Variants in DLG2 observed in about 807,000 individuals in gnomAD.
The protein encoded by DLG2 is disks large homolog 2.
In DLG2, 45 loss-of-function variants were observed where a neutral mutation model predicts 132.5. The ratio of observed to expected loss-of-function variants is 0.34; its 90% CI spans 0.27 to 0.44. DLG2 has a LOEUF of 0.44. Among genes scored for constraint, DLG2 ranks in the 20% least tolerant of loss-of-function variants. DLG2 has a pLI of 1.00. For missense variants in DLG2, 1,045 were observed against 1,196.9 expected (o/e 0.87, Z 1.87); for synonymous variants, 424 against 419.6 (o/e 1.01, Z -0.13).
intron 7 of DLG2, among the ~76,000 whole-genome samples, chr11:84,473,297 G>A (rs2099113342): frequency 6.6e-6 from 1 of 151,940 alleles, no homozygotes; most frequent in African/African-American, 2.4e-5. Flanking sequence ...GGCCACTAAA[G>A]CCTAGCTCTC....
intron 3 of DLG2, among the ~76,000 whole-genome samples, chr11:85,596,461 ATG>A (rs1442586766): frequency 6.6e-6 from 1 of 152,228 alleles, no homozygotes; most frequent in Non-Finnish European, 1.5e-5. Flanking sequence ...TCCTTGTCAC[ATG>A]TAAATATTAC....
chr11:85,142,506 T>G (rs944335848), intron 5 of DLG2, among the ~76,000 whole-genome samples: 1 of 151,788 alleles, frequency 6.6e-6, no homozygotes, highest in Non-Finnish European at 1.5e-5. Context: ...ATATCAGCTA[T>G]GAACAAGAAT....
chr11:85,442,244 G>A (rs2091817841), intron 3 of DLG2, among the ~76,000 whole-genome samples: 2 of 152,178 alleles, frequency 1.3e-5, no homozygotes, highest in South Asian at 2.1e-4. Flanking sequence ...GAAGACTTCT[G>A]ACTGCTGTGG....
intron 12 of DLG2, among the ~76,000 whole-genome samples, chr11:83,972,847 G>C (rs1032028468): frequency 4.6e-5 from 7 of 152,124 alleles, no homozygotes; most frequent in African/African-American, 1.4e-4. Context: ...AGGATGAAAA[G>C]CTGGTACAGA....
intron 7 of DLG2, among the ~76,000 whole-genome samples, chr11:84,380,597 G>C (rs989070454): frequency 6.6e-6 from 1 of 151,704 alleles, no homozygotes; most frequent in Non-Finnish European, 1.5e-5. Context: ...AAAACTTATA[G>C]CCTTAAGTAT....
intron 18 of DLG2, among the ~76,000 whole-genome samples, chr11:83,688,006 G>T (rs991199196): frequency 2.4e-4 from 36 of 148,886 alleles, no homozygotes; most frequent in African/African-American, 8.9e-4. Context: ...GCAAGGCCCT[G>T]TCTCAAAAGA....
intron 3 of DLG2, among the ~76,000 whole-genome samples, chr11:85,569,608 C>A (rs536816068): frequency 1.3e-5 from 2 of 151,872 alleles, no homozygotes; most frequent in South Asian, 4.2e-4. Context: ...GCCTTTCAAA[C>A]GTGAAAAAAT....
chr11:84,481,814 C>T (rs909488621), intron 7 of DLG2, among the ~76,000 whole-genome samples: 1 of 152,166 alleles, frequency 6.6e-6, no homozygotes, highest in Non-Finnish European at 1.5e-5. Context: ...AGTAAAATGT[C>T]GTACTGCAAC....
chr11:83,885,984 CT>C (rs1165602063), intron 15 of DLG2, among the ~76,000 whole-genome samples: 1 of 152,208 alleles, frequency 6.6e-6, no homozygotes, highest in African/African-American at 2.4e-5. Context: ...CTACCAGCCA[CT>C]GAAAAATCAT....
At chr11:83,795,784 C>G (rs1460997930) in intron 17 of DLG2, among the ~76,000 whole-genome samples, 1 of 152,152 alleles carries the variant, frequency 6.6e-6, no homozygotes, top group Non-Finnish European at 1.5e-5. Flanking sequence ...ATATCAGAAT[C>G]AGAGGATTTC....
At chr11:84,786,842 G>A (rs2072980050) in intron 6 of DLG2, among the ~76,000 whole-genome samples, 1 of 152,182 alleles carries the variant, frequency 6.6e-6, no homozygotes, top group South Asian at 2.1e-4. Context: ...TGTTCAGAAA[G>A]ATAGGCAAAG....
chr11:83,477,569 T>G (rs190412995), intron 22 of DLG2, among the ~76,000 whole-genome samples: 3 of 152,176 alleles, frequency 2.0e-5, no homozygotes, highest in South Asian at 2.1e-4. Flanking sequence ...GGATACAGTG[T>G]GAATGGTGTA....
At chr11:83,884,937 A>T (rs2067394521) in intron 15 of DLG2, among the ~76,000 whole-genome samples, 1 of 152,104 alleles carries the variant, frequency 6.6e-6, no homozygotes, top group Non-Finnish European at 1.5e-5. Context: ...CACACCAAAA[A>T]CCCATCTGTA....
intron 6 of DLG2, among the ~76,000 whole-genome samples, chr11:85,060,781 C>A (rs1188197560): frequency 6.6e-6 from 1 of 151,520 alleles, no homozygotes; most frequent in Non-Finnish European, 1.5e-5. Context: ...GGTTCACTAT[C>A]TTACATTCCC....
At chr11:85,614,709 T>C (rs1317475585) in intron 2 of DLG2, among the ~76,000 whole-genome samples, 1 of 152,252 alleles carries the variant, frequency 6.6e-6, no homozygotes, top group East Asian at 1.9e-4. Context: ...CTAATAATAT[T>C]AGCTAGCATT....
intron 6 of DLG2, among the ~76,000 whole-genome samples, chr11:84,695,796 T>C (rs2058554297): frequency 6.6e-6 from 1 of 151,496 alleles, no homozygotes; most frequent in African/African-American, 2.4e-5. Context: ...AATTAACATA[T>C]GCTGAGTAAT....
chr11:85,362,412 A>G (rs758969260), intron 3 of DLG2, among the ~76,000 whole-genome samples: 24 of 152,214 alleles, frequency 1.6e-4, no homozygotes, highest in Middle Eastern at 6.8e-3. Context: ...TGGTCCTCAG[A>G]TAGATCACTA....
chr11:84,586,566 C>T (rs1176380416), intron 6 of DLG2, among the ~76,000 whole-genome samples: 1 of 152,042 alleles, frequency 6.6e-6, no homozygotes, highest in Non-Finnish European at 1.5e-5. Flanking sequence ...ATTTAAATGT[C>T]AATTTTTGTC....
chr11:84,957,991 C>T (rs1031630369), intron 6 of DLG2, among the ~76,000 whole-genome samples: 2 of 152,068 alleles, frequency 1.3e-5, no homozygotes, highest in Admixed American at 6.6e-5. Context: ...GTGTTTGAGT[C>T]CCATTTGGCT....
Sources: gnomAD v4.1 joint callset for allele counts (sites outside exome capture counted in the v4.1 genomes callset) on GRCh38, gnomAD v4.1.1 for gene constraint, MANE v1.5 for transcripts, NCBI Gene and HGNC (gene_info 2026-07-23, HGNC 2026-07-21) for gene names.